ATAD2B: variants seen among roughly 807,000 people sequenced by gnomAD.
ATAD2B encodes the protein ATPase family AAA domain containing 2B.
In ATAD2B, 40 loss-of-function variants were observed where a neutral mutation model predicts 167.6. The ratio of observed to expected loss-of-function variants is 0.24; its 90% confidence interval spans 0.19 to 0.31. ATAD2B has a LOEUF of 0.31. Ranked by LOEUF, ATAD2B falls within the 10% of genes least tolerant of loss-of-function variation. ATAD2B has a pLI of 1.00. For missense variants in ATAD2B, 1,242 were observed against 1,757.2 expected (o/e 0.71, Z 5.24); for synonymous variants, 579 against 596.5 (o/e 0.97, Z 0.43).
the ATAD2B span, among the ~76,000 whole-genome samples, chr2:23,738,610 G>A: frequency 1.3e-5 from 2 of 152,188 alleles, no homozygotes; most frequent in Admixed American, 6.5e-5. Flanking sequence ...AAATTGTAAA[G>A]AGCATCAAGG....
the ATAD2B span, among the ~76,000 whole-genome samples, chr2:23,735,847 T>G: frequency 1.7e-4 from 26 of 152,320 alleles, no homozygotes; most frequent in African/African-American, 5.8e-4. Flanking sequence ...ACTCTGAAGG[T>G]AACTCTTGCT....
chr2:23,765,740 T>C (rs1304676604), intron 22 of ATAD2B, 112 bp from the exon 23 acceptor site: 1 of 655,678 alleles, frequency 1.5e-6, no homozygotes, highest in Admixed American at 4.0e-5. Flanking sequence ...CATTGCTAGG[T>C]GAGAAAAAGT....
chr2:23,844,928 T>C (rs1327538860), intron 13 of ATAD2B, among the ~76,000 whole-genome samples: 2 of 145,090 alleles, frequency 1.4e-5, no homozygotes, highest in African/African-American at 5.1e-5. Flanking sequence ...AGATATATCA[T>C]TAAATTGCAC....
intron 22 of ATAD2B, among the ~76,000 whole-genome samples, chr2:23,778,082 C>T (rs777924100): frequency 6.6e-6 from 1 of 152,008 alleles, no homozygotes; most frequent in Non-Finnish European, 1.5e-5. Flanking sequence ...ACACAACACA[C>T]CCTGAGGATG....
At chr2:23,899,393 T>TGTTTG (rs1700528944) in intron 1 of ATAD2B, among the ~76,000 whole-genome samples, 1 of 151,644 alleles carries the variant, frequency 6.6e-6, no homozygotes, top group Non-Finnish European at 1.5e-5. Context: ...AGCATGTATA[T>TGTTTG]AATTAAGATG....
the ATAD2B span, among the ~76,000 whole-genome samples, chr2:23,726,620 A>T: frequency 6.6e-6 from 1 of 152,152 alleles, no homozygotes; most frequent in East Asian, 1.9e-4. Flanking sequence ...CATGATTCAA[A>T]CCCATGTTGT....
chr2:23,885,968 A>T (rs762030909), intron 4 of ATAD2B, 139 bp from the exon 5 acceptor site: 1 of 546,382 alleles, frequency 1.8e-6, no homozygotes, highest in Admixed American at 3.4e-5. Flanking sequence ...TTTTTTAGAT[A>T]GAGTGTCCCT....
intron 17 of ATAD2B, among the ~76,000 whole-genome samples, chr2:23,813,617 G>C (rs1186514111): frequency 2.0e-5 from 3 of 151,308 alleles, no homozygotes; most frequent in African/African-American, 7.3e-5. Context: ...GTGGTGGTGT[G>C]CACCTGTAGT....
intron 1 of ATAD2B, among the ~76,000 whole-genome samples, chr2:23,905,643 G>C (rs930591653): frequency 2.0e-5 from 3 of 152,202 alleles, no homozygotes; most frequent in Admixed American, 2.0e-4. Flanking sequence ...GAGATTGTTA[G>C]AAGAATCAAG....
chr2:23,904,356 G>GT (rs1420525259), intron 1 of ATAD2B, among the ~76,000 whole-genome samples: 1 of 152,164 alleles, frequency 6.6e-6, no homozygotes, highest in African/African-American at 2.4e-5. Context: ...GGATTTGTAA[G>GT]TAAGAGATCA....
chr2:23,721,135 T>G, the ATAD2B span, among the ~76,000 whole-genome samples: 1 of 152,196 alleles, frequency 6.6e-6, no homozygotes, highest in Non-Finnish European at 1.5e-5. Flanking sequence ...CCAGCCAAAC[T>G]GCTATGTGCC....
chr2:23,787,386 A>G (rs1370845039), intron 20 of ATAD2B, among the ~76,000 whole-genome samples: 1 of 152,104 alleles, frequency 6.6e-6, no homozygotes, highest in African/African-American at 2.4e-5. Flanking sequence ...AGATTAAAAT[A>G]TATCTAGAAG....
intron 8 of ATAD2B, among the ~76,000 whole-genome samples, chr2:23,870,244 T>A (rs1178304234): frequency 1.3e-5 from 2 of 150,426 alleles, no homozygotes. Flanking sequence ...AGCCTAAAGT[T>A]TTTTTTAAAA....
At chr2:23,803,311 TGTACAC>T in intron 18 of ATAD2B, among the ~76,000 whole-genome samples, 1 of 140,306 alleles carries the variant, frequency 7.1e-6, no homozygotes, top group Admixed American at 7.0e-5. Context: ...AACATATGTG[TGTACAC>T]ACACACACAC....
chr2:23,835,034 T>TA (rs1689703954), intron 13 of ATAD2B, among the ~76,000 whole-genome samples: 1 of 152,182 alleles, frequency 6.6e-6, no homozygotes, highest in African/African-American at 2.4e-5. Context: ...AGGATGACTA[T>TA]AATCAGACAG....
intron 19 of ATAD2B, among the ~76,000 whole-genome samples, chr2:23,794,947 G>A (rs949007116): frequency 6.6e-6 from 1 of 152,080 alleles, no homozygotes; most frequent in Non-Finnish European, 1.5e-5. Flanking sequence ...TATATACAAA[G>A]AGACACAAGA....
chr2:23,693,345 C>T, the ATAD2B span: 418 of 1,551,620 alleles, frequency 2.7e-4, 1 homozygote, highest in East Asian at 5.7e-3. Context: ...AGCTCTACCA[C>T]ATGGCCAAGG....
chr2:23,698,222 A>G, the ATAD2B span, among the ~76,000 whole-genome samples: 1 of 152,090 alleles, frequency 6.6e-6, no homozygotes, highest in African/African-American at 2.4e-5. Context: ...CCAAGAGATG[A>G]AGGACAAAAG....
At chr2:23,799,628 C>T (rs898133425) in intron 18 of ATAD2B, among the ~76,000 whole-genome samples, 3 of 147,540 alleles carry the variant, frequency 2.0e-5, no homozygotes, top group Non-Finnish European at 3.0e-5. Context: ...TTGGGATTAT[C>T]GGAAACTATC....
Sources: gnomAD v4.1 joint callset for allele counts (sites outside exome capture counted in the v4.1 genomes callset) on GRCh38, gnomAD v4.1.1 for gene constraint, MANE v1.5 for transcripts, NCBI Gene and HGNC (gene_info 2026-07-23, HGNC 2026-07-21) for gene names.